The following CHIC1 variants were observed in gnomAD, a reference collection of about 807,000 sequenced individuals.
CHIC1 encodes cysteine rich hydrophobic domain 1, also known as cysteine-rich hydrophobic domain-containing protein 1.
CHIC1 carries 7 observed loss-of-function variants against 18.5 expected under a neutral mutation model. That is an observed-to-expected ratio of 0.38 (90% CI 0.22 to 0.71). The LOEUF is 0.71. Ranked by LOEUF, CHIC1 falls within the 30% of genes least tolerant of loss-of-function variation. The pLI, the probability that CHIC1 is intolerant of heterozygous loss-of-function variation, is 0.49. For missense variants in CHIC1, 159 were observed against 176.9 expected, an observed-to-expected ratio of 0.90 and a Z score of 0.57; for synonymous variants, 77 against 73.5, an observed-to-expected ratio of 1.05 and a Z score of -0.25.
At chrX:73,632,558 T>C (rs978059392) in intron 3 of CHIC1, among the ~76,000 whole-genome samples, 4 of 110,875 alleles carry the variant, frequency 3.6e-5, no homozygotes, top group Non-Finnish European at 5.7e-5. Flanking sequence ...TGATTTTTTT[T>C]CCATAGTAGT....
intron 3 of CHIC1, among the ~76,000 whole-genome samples, chrX:73,585,618 A>G (rs1309282432): frequency 9.0e-6 from 1 of 111,474 alleles, no homozygotes; most frequent in Non-Finnish European, 1.9e-5. Context: ...ACCCATCCCT[A>G]TTATTTTAAA....
chrX:73,610,918 T>C (rs947226589), intron 3 of CHIC1, among the ~76,000 whole-genome samples: 1 of 108,004 alleles, frequency 9.3e-6, no homozygotes, highest in Non-Finnish European at 1.9e-5. Context: ...TCAATTGTAA[T>C]GTCTCTGCTT....
chrX:73,567,175 G>T (rs1267693952), intron 1 of CHIC1, among the ~76,000 whole-genome samples: 2 of 110,195 alleles, frequency 1.8e-5, no homozygotes, highest in African/African-American at 3.3e-5. Flanking sequence ...TCCCTAGATG[G>T]TCTCATCTTA....
intron 3 of CHIC1, among the ~76,000 whole-genome samples, chrX:73,639,389 T>C (rs1161782789): frequency 3.6e-5 from 4 of 112,021 alleles, no homozygotes; most frequent in Non-Finnish European, 7.5e-5. Context: ...TCTTGGAAAT[T>C]TAAGTTCTTT....
chrX:73,668,081 T>G (rs1001752766), intron 3 of CHIC1, among the ~76,000 whole-genome samples: 1 of 111,973 alleles, frequency 8.9e-6, no homozygotes, highest in Non-Finnish European at 1.9e-5. Context: ...TTATCTGTAT[T>G]GTTGTCTGCC....
At chrX:73,605,551 A>G (rs1413420343) in intron 3 of CHIC1, among the ~76,000 whole-genome samples, 2 of 107,817 alleles carry the variant, frequency 1.9e-5, no homozygotes, top group African/African-American at 3.6e-5. Flanking sequence ...CTAGCTGGTT[A>G]TTTTCCCTGT....
rs2058005846 is a variant in CHIC1, at chrX:73,666,716, T to C, written c.508-12610T>C. ...GTTCTAATTTGATTGTTCTGTGCTCTGAGAGACTATTATGATTTCTGTTCT... is the reference window on the plus strand; with the variant it reads ...GTTCTAATTTGATTGTTCTGTGCTCCGAGAGACTATTATGATTTCTGTTCT... On this transcript the variant is annotated intron_variant, in intron 3 of 5. Coordinates refer to ENST00000373502, the MANE Select transcript of CHIC1 (RefSeq NM_001039840.4). Among the ~76,000 whole-genome samples the C allele has an allele frequency of 2.7e-5, 3 of 112,455 alleles. No homozygotes were observed. The South Asian group carries it at 1.1e-3, about 41-fold the overall frequency.
intron 3 of CHIC1, among the ~76,000 whole-genome samples, chrX:73,651,628 A>G (rs1295856111): frequency 2.7e-5 from 3 of 111,142 alleles, no homozygotes; most frequent in African/African-American, 9.8e-5. Flanking sequence ...TCCCAATCAC[A>G]CTTGCTACAA....
chrX:73,674,053 A>G (rs1474277550), intron 3 of CHIC1, among the ~76,000 whole-genome samples: 4 of 112,227 alleles, frequency 3.6e-5, no homozygotes, highest in African/African-American at 1.3e-4. Flanking sequence ...GATTACATTT[A>G]TTGATTTGCA....
At chrX:73,669,966 T>C (rs182849075) in intron 3 of CHIC1, among the ~76,000 whole-genome samples, 1 of 112,032 alleles carries the variant, frequency 8.9e-6, no homozygotes, top group African/African-American at 3.2e-5. Flanking sequence ...GGTCAGAGTA[T>C]GCAAAGCTCT....
At chrX:73,630,264 T>C (rs937030942) in intron 3 of CHIC1, among the ~76,000 whole-genome samples, 1 of 111,604 alleles carries the variant, frequency 9.0e-6, no homozygotes, top group East Asian at 2.8e-4. Context: ...TATTTACTTA[T>C]TGCCTAATTG....
chrX:73,626,168 G>A (rs769749968), intron 3 of CHIC1, among the ~76,000 whole-genome samples: 1 of 111,649 alleles, frequency 9.0e-6, no homozygotes. Context: ...CTCCATAGCG[G>A]AACAGCCAGA....
intron 3 of CHIC1, among the ~76,000 whole-genome samples, chrX:73,588,229 A>G (rs991465961): frequency 1.3e-4 from 14 of 111,248 alleles, no homozygotes; most frequent in African/African-American, 4.6e-4. Context: ...GAACATTTCC[A>G]TCATCCTAAG....
At chrX:73,643,165 T>C (rs2057867697) in intron 3 of CHIC1, among the ~76,000 whole-genome samples, 2 of 111,828 alleles carry the variant, frequency 1.8e-5, no homozygotes, top group Admixed American at 1.9e-4. Context: ...GTTTTGAAAA[T>C]CCTTTTCTTT....
intron 3 of CHIC1, among the ~76,000 whole-genome samples, chrX:73,616,036 C>A (rs1243103697): frequency 1.5e-4 from 17 of 110,420 alleles, no homozygotes; most frequent in Non-Finnish European, 1.9e-5. Context: ...TAGGGAAGAT[C>A]AATGGAGCTC....
chrX:73,673,653 G>A (rs1466850867), intron 3 of CHIC1, among the ~76,000 whole-genome samples: 1 of 111,903 alleles, frequency 8.9e-6, no homozygotes, highest in Non-Finnish European at 1.9e-5. Flanking sequence ...TTTGGGCTGA[G>A]ACGATGTGGT....
At chrX:73,617,814 G>A (rs2057739878) in intron 3 of CHIC1, among the ~76,000 whole-genome samples, 4 of 111,695 alleles carry the variant, frequency 3.6e-5, no homozygotes, top group African/African-American at 9.8e-5. Flanking sequence ...ATGAGATTTG[G>A]GTGGGGACAC....
chrX:73,649,092 A>G (rs962535036), intron 3 of CHIC1, among the ~76,000 whole-genome samples: 5 of 112,131 alleles, frequency 4.5e-5, no homozygotes, highest in African/African-American at 1.3e-4. Flanking sequence ...TCATATCCAG[A>G]CAAATTAAGC....
intron 5 of CHIC1, 44 bp downstream of exon 5, chrX:73,679,757 A>G: frequency 1.4e-6 from 1 of 713,675 alleles, no homozygotes; most frequent in Admixed American, 4.6e-5. Context: ...TTCATTCTAA[A>G]TGTACCATTT....
Sources: allele counts gnomAD v4.1 joint callset (sites outside exome capture counted in the v4.1 genomes callset), GRCh38; gene constraint gnomAD v4.1.1; transcripts MANE v1.5; gene names NCBI Gene and HGNC (gene_info 2026-07-23, HGNC 2026-07-21).